The following SAMMSON variants were observed in gnomAD, a reference collection of about 807,000 sequenced individuals.
SAMMSON encodes survival associated mitochondrial melanoma specific oncogenic non-coding RNA.
At chr3:70,230,308 A>T (rs1442578978) in intron 4 of SAMMSON, among the ~76,000 whole-genome samples, 1 of 152,184 alleles carries the variant, frequency 6.6e-6, no homozygotes, top group Non-Finnish European at 1.5e-5. Flanking sequence ...CAAACATAGG[A>T]GATTCATTTC....
chr3:70,105,185 A>G (rs533309742), intron 4 of SAMMSON, among the ~76,000 whole-genome samples: 34 of 152,290 alleles, frequency 2.2e-4, no homozygotes, highest in Admixed American at 2.2e-3. Context: ...TAATCTTTCC[A>G]TTGACTAATT....
At chr3:70,017,877 G>A (rs2066992863) in intron 3 of SAMMSON, among the ~76,000 whole-genome samples, 1 of 152,080 alleles carries the variant, frequency 6.6e-6, no homozygotes, top group Non-Finnish European at 1.5e-5. Flanking sequence ...TTTATATGCT[G>A]GATTATGTTT....
chr3:70,407,190 G>A (rs914082819), intron 2 of SAMMSON, among the ~76,000 whole-genome samples: 10 of 152,060 alleles, frequency 6.6e-5, no homozygotes, highest in African/African-American at 2.2e-4. Context: ...GGAATTATGG[G>A]AGTACAATTC....
At chr3:70,326,194 T>A (rs538093657) in intron 7 of SAMMSON, among the ~76,000 whole-genome samples, 5 of 152,170 alleles carry the variant, frequency 3.3e-5, no homozygotes, top group African/African-American at 9.6e-5. Context: ...ATTCTTTCTG[T>A]CTTCCTTATT....
chr3:70,192,952 G>T (rs533235813), intron 4 of SAMMSON, among the ~76,000 whole-genome samples: 1 of 152,106 alleles, frequency 6.6e-6, no homozygotes, highest in African/African-American at 2.4e-5. Context: ...TGGCTGTCCT[G>T]TGCCTTACGG....
chr3:70,222,217 G>A lies in SAMMSON; in HGVS notation n.508-26890G>A, dbSNP rs184412571. 1.4e-3 allele frequency among the ~76,000 whole-genome samples: 207 copies of A among 152,260 alleles called. 3 individuals carry two copies. The South Asian group carries it at 0.017, about 13-fold the overall frequency. On this transcript the variant is annotated intron_variant and non_coding_transcript_variant, in intron 4 of 9. Coordinates refer to ENST00000642114, the Ensembl canonical transcript of SAMMSON. ...AGGCAGGTGAACAGTCAGAGCCTTGGAGAATTGTGGGTTTGGGTAAAATTC... is the reference window on the plus strand; with the variant it reads ...AGGCAGGTGAACAGTCAGAGCCTTGAAGAATTGTGGGTTTGGGTAAAATTC...
chr3:70,344,733 C>T (rs1006000843), intron 7 of SAMMSON, among the ~76,000 whole-genome samples: 3 of 152,196 alleles, frequency 2.0e-5, no homozygotes, highest in Admixed American at 6.5e-5. Flanking sequence ...ATTGCTCCCC[C>T]TCCTGTAATG....
chr3:70,145,394 G>A (rs554432078), intron 4 of SAMMSON, among the ~76,000 whole-genome samples: 3 of 152,158 alleles, frequency 2.0e-5, no homozygotes, highest in East Asian at 1.9e-4. Flanking sequence ...AAAAACCAAC[G>A]GAATAATAGC....
chr3:70,059,068 ATT>A (rs1432184165), intron 3 of SAMMSON, among the ~76,000 whole-genome samples: 1 of 151,976 alleles, frequency 6.6e-6, no homozygotes. Context: ...TCTGGTCTCT[ATT>A]TTTTCTAACA....
chr3:70,411,508 T>C (rs1701217729), intron 2 of SAMMSON, among the ~76,000 whole-genome samples: 1 of 152,212 alleles, frequency 6.6e-6, no homozygotes, highest in Non-Finnish European at 1.5e-5. Context: ...TTTTTGGTTC[T>C]TGTGATGTTA....
At chr3:70,238,561 A>G (rs1282445588) in intron 4 of SAMMSON, among the ~76,000 whole-genome samples, 2 of 152,144 alleles carry the variant, frequency 1.3e-5, no homozygotes, top group South Asian at 2.1e-4. Flanking sequence ...GCAATGAGCC[A>G]TGATCACACC....
At chr3:70,117,329 G>C (rs1264286671) in intron 4 of SAMMSON, among the ~76,000 whole-genome samples, 1 of 152,160 alleles carries the variant, frequency 6.6e-6, no homozygotes, top group Non-Finnish European at 1.5e-5. Flanking sequence ...TCCATAGTTG[G>C]TTGGTAGCTG....
At chr3:70,231,499 C>A (rs1701559890) in intron 4 of SAMMSON, among the ~76,000 whole-genome samples, 1 of 152,226 alleles carries the variant, frequency 6.6e-6, no homozygotes, top group South Asian at 2.1e-4. Context: ...ACTCTTCAAA[C>A]TGACAGAACA....
chr3:70,097,754 TCAAAGGTTACTCG>T (rs1012846904), intron 4 of SAMMSON, among the ~76,000 whole-genome samples: 5 of 152,202 alleles, frequency 3.3e-5, no homozygotes, highest in Non-Finnish European at 5.9e-5. Flanking sequence ...TGCATAATCC[TCAAAGGTTACTCG>T]CAATCATTTA....
intron 9 of SAMMSON, among the ~76,000 whole-genome samples, chr3:70,364,138 T>G (rs571989327): frequency 2.0e-5 from 3 of 152,076 alleles, no homozygotes; most frequent in Non-Finnish European, 2.9e-5. Context: ...ATTCCTGCAT[T>G]TATTTCAGTT....
At chr3:70,090,793 AC>A (rs1229748885) in intron 4 of SAMMSON, among the ~76,000 whole-genome samples, 2 of 150,952 alleles carry the variant, frequency 1.3e-5, no homozygotes, top group Admixed American at 6.6e-5. Context: ...AAAAAAAAAA[AC>A]CATTGGCTGA....
intron 4 of SAMMSON, among the ~76,000 whole-genome samples, chr3:70,182,844 G>A (rs1349238627): frequency 6.6e-6 from 1 of 151,990 alleles, no homozygotes; most frequent in Non-Finnish European, 1.5e-5. Flanking sequence ...CTCTTTCTTT[G>A]TAACCCTTTT....
intron 4 of SAMMSON, among the ~76,000 whole-genome samples, chr3:70,128,870 A>G (rs2067469349): frequency 6.6e-6 from 1 of 152,212 alleles, no homozygotes; most frequent in Non-Finnish European, 1.5e-5. Flanking sequence ...TTTGCCTGGT[A>G]TATCTGGTAG....
At chr3:70,412,618 A>G (rs888112423) in intron 2 of SAMMSON, among the ~76,000 whole-genome samples, 4 of 152,182 alleles carry the variant, frequency 2.6e-5, no homozygotes, top group Non-Finnish European at 4.4e-5. Context: ...CAGCACATTC[A>G]TGGTATTTTA....
Sources: gnomAD v4.1 joint callset for allele counts (sites outside exome capture counted in the v4.1 genomes callset) on GRCh38, gnomAD v4.1.1 for gene constraint, MANE v1.5 for transcripts, NCBI Gene and HGNC (gene_info 2026-07-23, HGNC 2026-07-21) for gene names.